Variants in EPB41L1 observed in about 807,000 individuals in gnomAD.
EPB41L1 encodes erythrocyte membrane protein band 4.1 like 1.
EPB41L1 carries 29 observed loss-of-function variants against 97.8 expected under a neutral mutation model. That is an observed-to-expected ratio of 0.30 (90% CI 0.22 to 0.40). The LOEUF (loss-of-function observed/expected upper bound fraction) is 0.40, where lower values mean the gene tolerates loss of function less well. EPB41L1 is among the 10% of genes least tolerant of loss of function. The pLI is 1.00. For synonymous variants in EPB41L1, 383 were observed against 459.2 expected (o/e 0.83, Z 2.12); for missense variants, 812 against 1,162.3 (o/e 0.70, Z 4.38).
intron 4 of EPB41L1, 139 bp from the exon 5 acceptor site, chr20:36,178,491 A>T: frequency 1.2e-6 from 1 of 860,940 alleles, no homozygotes; most frequent in Non-Finnish European, 2.0e-6. Flanking sequence ...CCCAAGGAAA[A>T]GGAACCAAGA....
At chr20:36,228,896 C>G (rs538951067) in intron 21 of EPB41L1, among the ~76,000 whole-genome samples, 59 of 152,162 alleles carry the variant, frequency 3.9e-4, no homozygotes, top group African/African-American at 1.3e-3. Flanking sequence ...ATGATCTTAG[C>G]TTCTCGGTGT....
In EPB41L1 at chr20:36,195,635, C is replaced by T. The variant is rs920021162; in HGVS notation, c.1485+271C>T. The stretch of plus-strand genomic sequence containing the variant: ...CCTCCCACCCTCTCCCCAGCTCACC[C>T]GGTCCTCCATACTTGCAGCTCACCT... On this transcript the variant is annotated intron_variant, in intron 13 of 21. Transcript: ENST00000338074. The surrounding 1 kb of genome is among the most constrained non-coding windows in gnomAD (Gnocchi z 4.6). Among the ~76,000 whole-genome samples, 23 of 152,158 alleles carry T rather than the reference C, an allele frequency of 1.5e-4. No individual in the cohort carries two copies. Among genetic ancestry groups the T allele is most frequent in the Non-Finnish European group, 5.9e-5 (4 of 68,018 alleles).
rs1199355331 is a variant in EPB41L1, at chr20:36,232,766, T to G, written c.*3426T>G. 1 of 398,500 alleles carries G rather than the reference T, an allele frequency of 2.5e-6. No individual in the cohort carries two copies. Among genetic ancestry groups the G allele is most frequent in the African/African-American group, 2.1e-5 (1 of 48,278 alleles). The allele number at this position is 398,500 out of a possible 1,614,324, so 24.7% of individuals were successfully genotyped here. A position where few individuals can be genotyped will look rare whatever the true frequency, so the allele number is the denominator to read the frequency against. On this transcript the variant is annotated 3_prime_UTR_variant, in exon 22 of 22. Coordinates refer to ENST00000338074, the MANE Select transcript of EPB41L1 (RefSeq NM_012156.2). ...GCTCTCTGTTCTTGTATACTCAATATAAGTGAAATAAATGTGTTTGATGCT... is the reference window on the plus strand; with the variant it reads ...GCTCTCTGTTCTTGTATACTCAATAGAAGTGAAATAAATGTGTTTGATGCT...
In EPB41L1 at chr20:36,103,569, T is replaced by A. The variant is rs1313869360; in HGVS notation, c.-64-8857T>A. ...AAAGAGGTAGGGATGACAAGTCTAC[T>A]GGGGGCTTGGGTGAATTAACTGAAG... is the stretch of plus-strand genomic sequence containing the variant. On this transcript the variant is annotated intron_variant, in intron 1 of 19. Coordinates refer to the EPB41L1 transcript ENST00000202028. 3.9e-5 allele frequency among the ~76,000 whole-genome samples: 6 copies of A among 152,200 alleles called. No individual in the cohort carries two copies. In the East Asian group the frequency reaches 1.2e-3, roughly 29 times the overall value.
intron 11 of EPB41L1, 118 bp from the exon 12 acceptor site, chr20:36,194,094 G>GT (rs2062076346): frequency 4.4e-6 from 6 of 1,353,642 alleles, no homozygotes; most frequent in Non-Finnish European, 6.2e-6. Context: ...GGCAATGGGT[G>GT]AGGGGTGTGG....
intron 16 of EPB41L1, among the ~76,000 whole-genome samples, chr20:36,214,080 T>G (rs1021608652): frequency 6.6e-6 from 1 of 152,118 alleles, no homozygotes. Flanking sequence ...ATCCAAAGAG[T>G]CAGTTCCTAG....
At chr20:36,140,043 TTTG>T (rs199632056) in intron 2 of EPB41L1, among the ~76,000 whole-genome samples, 7,134 of 149,228 alleles carry the variant, frequency 0.048, 182 homozygotes, top group Middle Eastern at 0.077. Flanking sequence ...GTGGTTTTTT[TTTG>T]TTGTTGTTGT....
In EPB41L1 at chr20:36,173,805, G is replaced by A; in HGVS notation, c.28G>A (p.Glu10Lys). 6.2e-7 allele frequency: 1 copy of A among 1,614,182 alleles called. No individual in the cohort carries two copies. The highest frequency in any genetic ancestry group is 8.5e-7 in the Non-Finnish European group (1 of 1,180,032). MTTETGPDS[E>K]VKKAQEEAPQ... Reference sequence around the variant, plus strand: ...GACAACAGAGACAGGCCCCGACTCTGAGGTGAAGAAAGCTCAGGAGGAGGC... The same window carrying A: ...GACAACAGAGACAGGCCCCGACTCTAAGGTGAAGAAAGCTCAGGAGGAGGC... The change falls in exon 2 of 22, where the codon GAG (glutamate) becomes AAG (lysine). Residue 10 changes from glutamate (E) to lysine (K), a missense_variant. This residue lies in a region of EPB41L1 where 84 missense variants were observed against 94.3 expected (regional missense o/e 0.89). Transcript: ENST00000338074.
intron 2 of EPB41L1, among the ~76,000 whole-genome samples, chr20:36,130,443 T>G (rs111583645): frequency 0.013 from 1,973 of 152,282 alleles, 47 homozygotes; most frequent in African/African-American, 0.045. Flanking sequence ...TCTCTTAATG[T>G]TGTATCGGAA....
rs2057734399 is a variant in EPB41L1, at chr20:36,093,671, G to C, written c.-65+2059G>C. 6.7e-6 allele frequency among the ~76,000 whole-genome samples: 1 copy of C among 150,190 alleles called. No homozygotes were observed. Among genetic ancestry groups the C allele is most frequent in the African/African-American group, 2.5e-5 (1 of 40,102 alleles). ...GGAGGGCGTGTCCTGCTTGAAGCCC[G>C]TGTGCGTGCGTGCGTGCGTGTGTGT... On this transcript the variant is annotated intron_variant, in intron 1 of 19. Transcript: ENST00000202028. The surrounding 1 kb of genome is among the most constrained non-coding windows in gnomAD (Gnocchi z 5.4).
rs2425189 is a variant in EPB41L1, at chr20:36,205,721, G to A, written c.1669-3767G>A. ...GCCTTCCTCTCCCCAGCCAGTTCTGGGGATGTGCTGTCCCAAAGTCAAACA... is the reference window on the plus strand; with the variant it reads ...GCCTTCCTCTCCCCAGCCAGTTCTGAGGATGTGCTGTCCCAAAGTCAAACA... On this transcript the variant is annotated intron_variant, in intron 14 of 21. Transcript: ENST00000338074. 1.3e-3 allele frequency: 1,222 copies of A among 940,622 alleles called. 28 individuals are homozygous for A. In the East Asian group the frequency reaches 0.051, roughly 39 times the overall value. 58.3% of individuals were successfully genotyped at this position (940,622 alleles called of 1,614,324 possible). A position where few individuals can be genotyped will look rare whatever the true frequency, so the allele number is the denominator to read the frequency against.
At chr20:36,120,423 G>C (rs1360564783) in intron 2 of EPB41L1, among the ~76,000 whole-genome samples, 2 of 152,202 alleles carry the variant, frequency 1.3e-5, no homozygotes, top group African/African-American at 4.8e-5. Flanking sequence ...GACTGGTCCG[G>C]TGAACTTGGC....
intron 2 of EPB41L1, among the ~76,000 whole-genome samples, chr20:36,121,308 C>G (rs542347812): frequency 7.9e-5 from 12 of 152,142 alleles, no homozygotes; most frequent in Non-Finnish European, 1.8e-4. Flanking sequence ...ATATCGTTCT[C>G]TGGCATTTCC....
chr20:36,223,999 T>C (rs1024020799), intron 21 of EPB41L1, among the ~76,000 whole-genome samples: 2 of 152,220 alleles, frequency 1.3e-5, no homozygotes, highest in African/African-American at 4.8e-5. Context: ...TACGAGAATG[T>C]TTCTCTTCCT....
At chr20:36,163,757 G>C (rs757718308) in intron 1 of EPB41L1, among the ~76,000 whole-genome samples, 2 of 152,144 alleles carry the variant, frequency 1.3e-5, no homozygotes, top group African/African-American at 4.8e-5. Context: ...GGGAGCTGTC[G>C]CAGAGGGGCT....
chr20:36,188,218 T>G, intron 8 of EPB41L1, 129 bp from the exon 9 acceptor site: 1 of 1,247,606 alleles, frequency 8.0e-7, no homozygotes, highest in Non-Finnish European at 1.2e-6. Flanking sequence ...GACTCCAGCA[T>G]GGAGGCTCTA....
chr20:36,127,088 T>G (rs1227429335), intron 2 of EPB41L1, among the ~76,000 whole-genome samples: 3 of 152,196 alleles, frequency 2.0e-5, no homozygotes, highest in Non-Finnish European at 4.4e-5. Flanking sequence ...GACTCAGCTA[T>G]TATTGTCCTA....
intron 1 of EPB41L1, among the ~76,000 whole-genome samples, chr20:36,094,610 G>A (rs2057770592): frequency 6.6e-6 from 1 of 152,168 alleles, no homozygotes; most frequent in South Asian, 2.1e-4. Flanking sequence ...CAAAGGGAGG[G>A]AGCTGGGAGT....
intron 9 of EPB41L1, among the ~76,000 whole-genome samples, chr20:36,188,880 A>G (rs544016820): frequency 1.3e-3 from 184 of 143,462 alleles, no homozygotes; most frequent in Non-Finnish European, 2.3e-3. Flanking sequence ...CTCTGTCTCA[A>G]AAAAAAAAAA....
Sources: gnomAD v4.1 joint callset for allele counts (sites outside exome capture counted in the v4.1 genomes callset) on GRCh38, gnomAD v4.1.1 for gene constraint, gnomAD v4.1.1 regional missense constraint, Gnocchi (gnomAD v3.1) non-coding constraint, MANE v1.5 for transcripts, NCBI Gene and HGNC (gene_info 2026-07-23, HGNC 2026-07-21) for gene names.